Variants in DPP6 observed in about 807,000 individuals in gnomAD.
DPP6 encodes A-type potassium channel modulatory protein DPP6.
A neutral mutation model predicts 122.6 loss-of-function variants in DPP6; 69 were observed. The ratio of observed to expected loss-of-function variants is 0.56; its 90% confidence interval spans 0.46 to 0.69. The LOEUF (loss-of-function observed/expected upper bound fraction) is 0.69. Among genes scored for constraint, DPP6 ranks in the 30% least tolerant of loss-of-function variants. The pLI is 0.00. For missense variants in DPP6, 928 were observed against 1,116.9 expected (o/e 0.83, Z 2.41); for synonymous variants, 418 against 433.1 (o/e 0.97, Z 0.43).
intron 1 of DPP6, among the ~76,000 whole-genome samples, chr7:154,004,692 C>T (rs534044146): frequency 1.5e-3 from 227 of 151,172 alleles, no homozygotes; most frequent in African/African-American, 5.2e-3. Flanking sequence ...AGATTGCCTT[C>T]GAGAGGGAGG....
chr7:154,092,361 TC>T (rs957265698), intron 1 of DPP6: 3 of 152,022 alleles, frequency 2.0e-5, no homozygotes, highest in Non-Finnish European at 4.4e-5. Flanking sequence ...TTTCACCTGC[TC>T]CCTGGCACAC....
chr7:154,441,456 G>A (rs984483544), intron 1 of DPP6, among the ~76,000 whole-genome samples: 2 of 152,106 alleles, frequency 1.3e-5, no homozygotes, highest in Non-Finnish European at 2.9e-5. Context: ...TATGCAATCA[G>A]TTCCTTTTGT....
At chr7:154,848,155 T>C (rs1802090808) in intron 16 of DPP6, among the ~76,000 whole-genome samples, 1 of 152,236 alleles carries the variant, frequency 6.6e-6, no homozygotes, top group South Asian at 2.1e-4. Flanking sequence ...CTCTTCAACA[T>C]CCTGATTTCA....
intron 1 of DPP6, among the ~76,000 whole-genome samples, chr7:154,310,317 C>T (rs1293688762): frequency 3.3e-5 from 5 of 152,174 alleles, no homozygotes; most frequent in South Asian, 2.1e-4. Flanking sequence ...AGCCTGGAGG[C>T]GGCATGCGCT....
rs75618656 is a variant in DPP6 at position 153,917,365 on chromosome 7, C to A, written c.51+29631C>A. Among the ~76,000 whole-genome samples, 761 of 152,306 alleles carry A rather than the reference C, an allele frequency of 5.0e-3. 8 individuals are homozygous for A. Among genetic ancestry groups the A allele is most frequent in the African/African-American group, 0.017 (712 of 41,548 alleles). On this transcript the variant is annotated intron_variant, in intron 1 of 25. Coordinates refer to the DPP6 transcript ENST00000404039. ...ACGTTTTTCCAGCATTTAAATTGATCCAGTATGGGACTGTACAGATAGCAA... is the reference window on the plus strand; with the variant it reads ...ACGTTTTTCCAGCATTTAAATTGATACAGTATGGGACTGTACAGATAGCAA...
intron 6 of DPP6, among the ~76,000 whole-genome samples, chr7:154,668,705 A>C (rs1294339979): frequency 6.6e-6 from 1 of 152,200 alleles, no homozygotes; most frequent in African/African-American, 2.4e-5. Flanking sequence ...TACTTATAAA[A>C]TGTTAGCACT....
At chr7:153,853,165 A>G in the DPP6 span, among the ~76,000 whole-genome samples, 1 of 152,244 alleles carries the variant, frequency 6.6e-6, no homozygotes, top group Non-Finnish European at 1.5e-5. Context: ...ACATCTTTCA[A>G]TTTACCCTTG....
chr7:153,857,556 G>A, the DPP6 span, among the ~76,000 whole-genome samples: 1 of 152,150 alleles, frequency 6.6e-6, no homozygotes, highest in Non-Finnish European at 1.5e-5. Context: ...ACCGGAGAAG[G>A]TTTGGGGATA....
intron 1 of DPP6, among the ~76,000 whole-genome samples, chr7:154,196,531 A>T (rs1038752610): frequency 6.6e-6 from 1 of 152,230 alleles, no homozygotes; most frequent in Admixed American, 6.5e-5. Context: ...TTAGTGAATG[A>T]GTAAATGAAT....
chr7:153,803,983 C>G, the DPP6 span, among the ~76,000 whole-genome samples: 41 of 151,820 alleles, frequency 2.7e-4, no homozygotes, highest in Middle Eastern at 3.4e-3. Context: ...AGTCTTTGCT[C>G]AAATGTTAAC....
intron 3 of DPP6, among the ~76,000 whole-genome samples, chr7:154,514,900 G>T (rs1274192643): frequency 6.6e-6 from 1 of 152,132 alleles, no homozygotes; most frequent in Admixed American, 6.5e-5. Context: ...TTAAGTCTAT[G>T]CCTAGCAGTG....
At chr7:154,154,655 A>C (rs1163844262) in intron 1 of DPP6, among the ~76,000 whole-genome samples, 1 of 152,276 alleles carries the variant, frequency 6.6e-6, no homozygotes, top group Middle Eastern at 3.2e-3. Context: ...TTTTAGAGCT[A>C]GATTGACTGA....
At chr7:154,291,013 A>G (rs1169065008) in intron 1 of DPP6, among the ~76,000 whole-genome samples, 1 of 152,138 alleles carries the variant, frequency 6.6e-6, no homozygotes, top group East Asian at 1.9e-4. Context: ...ACCATCTCTC[A>G]TTTCAGGAGA....
In DPP6 at chr7:154,718,994, T is replaced by C. The variant is rs145113695; in HGVS notation, c.763-8773T>C. Among the ~76,000 whole-genome samples the C allele has an allele frequency of 1.0e-3, 159 of 152,272 alleles. 1 individual carries two copies. The East Asian group carries it at 0.026, about 25-fold the overall frequency. The stretch of plus-strand genomic sequence containing the variant: ...TCCCCCCACTGCTCAGAAGCACCAC[T>C]CTTCTTGTGTCTGAACATCTTGGGA... On this transcript the variant is annotated intron_variant, in intron 7 of 25. Transcript: ENST00000377770.
At position 154,640,881 on chromosome 7, in the gene DPP6, C is replaced by A. The variant is rs566825412; in HGVS notation, c.680+3008C>A. ...CCTTTTTCACTAATTCTCATCTTTC[C>A]TTTCCTCGCTCCTCCCTCTAAATTA... On this transcript the variant is annotated intron_variant, in intron 6 of 25. Transcript: ENST00000377770. Among the ~76,000 whole-genome samples the A allele has an allele frequency of 6.6e-5, 10 of 152,228 alleles. No individual in the cohort carries two copies. In the East Asian group the frequency reaches 1.7e-3, roughly 26 times the overall value.
rs1432791342 is a variant in DPP6 at position 154,877,848 on chromosome 7, G to A, written c.2078+1748G>A. Among the ~76,000 whole-genome samples the A allele has an allele frequency of 6.6e-6, 1 of 152,188 alleles. No individual in the cohort carries two copies. The highest frequency in any genetic ancestry group is 1.5e-5 in the Non-Finnish European group (1 of 68,036). ...AGTGTGGGGCCAGCCCCTGAGCAGA[G>A]GATGTGGGGTGACAAGGGAATGCTG... On this transcript the variant is annotated intron_variant, in intron 20 of 25. Transcript: ENST00000377770. This position sits in a 1 kb window ranked among gnomAD's most constrained non-coding sequence, Gnocchi z 5.2.
intron 1 of DPP6, among the ~76,000 whole-genome samples, chr7:154,299,890 G>A (rs1168069727): frequency 3.3e-5 from 5 of 152,208 alleles, no homozygotes; most frequent in East Asian, 1.9e-4. Context: ...ATCAGGCTGC[G>A]GAGGGATGCA....
intron 1 of DPP6, among the ~76,000 whole-genome samples, chr7:154,438,795 G>A (rs1225414599): frequency 1.3e-5 from 2 of 152,132 alleles, no homozygotes; most frequent in Non-Finnish European, 2.9e-5. Flanking sequence ...CGTTCTCATG[G>A]TTTGTGACAG....
the DPP6 span, among the ~76,000 whole-genome samples, chr7:153,836,508 T>G: frequency 6.6e-6 from 1 of 152,200 alleles, no homozygotes; most frequent in African/African-American, 2.4e-5. Context: ...ATAATTTATC[T>G]TTGCTGGTCC....
Sources: allele counts gnomAD v4.1 joint callset (sites outside exome capture counted in the v4.1 genomes callset), GRCh38; gene constraint gnomAD v4.1.1; non-coding constraint Gnocchi (gnomAD v3.1); transcripts MANE v1.5; gene names NCBI Gene and HGNC (gene_info 2026-07-23, HGNC 2026-07-21).